Variants in JCAD observed in about 807,000 individuals in gnomAD.
JCAD encodes the protein junctional cadherin 5-associated protein.
JCAD carries 40 observed loss-of-function variants against 98.0 expected under a neutral mutation model. The observed-to-expected ratio is 0.41, with a 90% CI of 0.32 to 0.53. JCAD has a LOEUF of 0.53. Among genes scored for constraint, JCAD ranks in the 20% least tolerant of loss-of-function variants. JCAD has a pLI of 0.31. For missense variants in JCAD, 1,705 were observed against 1,738.1 expected (o/e 0.98, Z 0.34); for synonymous variants, 691 against 682.3 (o/e 1.01, Z -0.20).
At chr10:30,092,094 TAC>T (rs1838288194) in intron 1 of JCAD, among the ~76,000 whole-genome samples, 1 of 10,114 alleles carries the variant, frequency 9.9e-5, no homozygotes, top group African/African-American at 4.8e-4. Context: ...TATATAAAGT[TAC>T]TTTATATATA....
chr10:30,086,746 C>T (rs538694386), intron 1 of JCAD, among the ~76,000 whole-genome samples: 3 of 152,342 alleles, frequency 2.0e-5, no homozygotes, highest in South Asian at 4.1e-4. Context: ...GATTCAAACT[C>T]TTTCCAATCT....
intron 1 of JCAD, among the ~76,000 whole-genome samples, chr10:30,112,715 T>TA (rs901940892): frequency 6.6e-6 from 1 of 151,118 alleles, no homozygotes; most frequent in African/African-American, 2.4e-5. Context: ...CTATTAAAAA[T>TA]AAAAAAATTA....
intron 1 of JCAD, among the ~76,000 whole-genome samples, chr10:30,095,094 A>C (rs747639531): frequency 7.9e-5 from 12 of 152,042 alleles, no homozygotes; most frequent in Non-Finnish European, 1.6e-4. Context: ...TTTCCTTAGC[A>C]TCCCTCTGGC....
intron 2 of JCAD, among the ~76,000 whole-genome samples, chr10:30,047,285 T>C (rs1223948275): frequency 2.0e-5 from 3 of 152,124 alleles, no homozygotes; most frequent in Non-Finnish European, 2.9e-5. Context: ...GGCAGGAGAA[T>C]TGCTTGAACC....
Position 30,028,640 on chromosome 10 carries a change from T to A in JCAD, c.1508A>T (p.Gln503Leu). ...ACTGTTTTCCCCATCCCCGGGGGGCTGGCCCCACAGCCACCGGGGGCTGGA... is the reference window on the plus strand; with the variant it reads ...ACTGTTTTCCCCATCCCCGGGGGGCAGGCCCCACAGCCACCGGGGGCTGGA... ...ADSSPRWLWG[Q>L]PPGDGENSGL... Residue 503 changes from glutamine to leucine, a missense_variant, in exon 3 of 4, where the codon CAG becomes CTG. Gln to Leu is a moderately radical substitution (Grantham distance 113). Transcript: ENST00000375377. The A allele has an allele frequency of 6.2e-7, 1 of 1,608,332 alleles. No homozygotes were observed. The highest frequency in any genetic ancestry group is 1.1e-5 in the South Asian group (1 of 90,374).
upstream of JCAD, among the ~76,000 whole-genome samples, chr10:30,061,472 G>A (rs566437129): frequency 7.9e-5 from 12 of 152,030 alleles, 1 homozygote; most frequent in African/African-American, 2.4e-4. Flanking sequence ...AACCCGGGAG[G>A]TGGAGGTTGC....
At chr10:30,051,509 T>C (rs1362957885) in intron 1 of JCAD, among the ~76,000 whole-genome samples, 2 of 152,148 alleles carry the variant, frequency 1.3e-5, no homozygotes, top group African/African-American at 4.8e-5. Context: ...AACTGAAATG[T>C]ATACAAACGA....
At chr10:30,064,232 T>G (rs1011765686), upstream of JCAD, among the ~76,000 whole-genome samples, 14 of 151,332 alleles carry the variant, frequency 9.3e-5, no homozygotes, top group African/African-American at 3.4e-4. Context: ...GGGGAACTGG[T>G]GGCTTTATAA....
At chr10:30,076,027 G>A (rs890369695) in intron 1 of JCAD, among the ~76,000 whole-genome samples, 1 of 151,844 alleles carries the variant, frequency 6.6e-6, no homozygotes, top group African/African-American at 2.4e-5. Flanking sequence ...TTCAAACAGG[G>A]ACTTTTTTTT....
chr10:30,027,118 G>A lies in JCAD; in HGVS notation c.3030C>T (p.Ser1010=). 1 of 1,614,154 alleles carries A rather than the reference G, an allele frequency of 6.2e-7. No homozygotes were observed. Among genetic ancestry groups the A allele is most frequent in the Non-Finnish European group, 8.5e-7 (1 of 1,180,014 alleles). ...QESPKITSAF[S]SVKPSEAVPR... ...GGACCGCTTCACTTGGTTTCACAGAGCTGAAAGCACTGGTGATTTTCGGAC... is the reference window on the plus strand; with the variant it reads ...GGACCGCTTCACTTGGTTTCACAGAACTGAAAGCACTGGTGATTTTCGGAC... The change falls in exon 3 of 4, where the codon AGC becomes AGT. Residue 1010 remains serine, a synonymous_variant. Coordinates refer to ENST00000375377, the MANE Select transcript of JCAD (RefSeq NM_020848.4).
intron 1 of JCAD, among the ~76,000 whole-genome samples, chr10:30,076,633 A>G (rs1290683300): frequency 6.6e-6 from 1 of 152,124 alleles, no homozygotes; most frequent in Non-Finnish European, 1.5e-5. Flanking sequence ...TACCCCTTTT[A>G]TAATTGTGAG....
chr10:30,068,527 A>G (rs1373346330), intron 2 of JCAD, among the ~76,000 whole-genome samples: 1 of 152,066 alleles, frequency 6.6e-6, no homozygotes, highest in Non-Finnish European at 1.5e-5. Context: ...TTATCAGGGC[A>G]TATCTTGGAT....
At position 30,103,389 on chromosome 10, in the gene JCAD, C is replaced by T. The variant is rs375425599; in HGVS notation, n.128+11978G>A. 1.6e-3 allele frequency among the ~76,000 whole-genome samples: 248 copies of T among 152,182 alleles called. 2 individuals are homozygous for T. The highest frequency in any genetic ancestry group is 2.1e-3 in the Non-Finnish European group (145 of 68,018). On this transcript the variant is annotated intron_variant and non_coding_transcript_variant, in intron 1 of 2. Transcript: ENST00000465712. ...TTAAAAGTAGAATTATCATATGATC[C>T]GGCAATCCTGGTTGTTCTTTTGCCA...
chr10:30,079,995 G>A (rs879637604), intron 1 of JCAD, among the ~76,000 whole-genome samples: 2 of 152,126 alleles, frequency 1.3e-5, no homozygotes, highest in Admixed American at 6.5e-5. Context: ...ATCTATATAA[G>A]TCTCTTGGCA....
At chr10:30,021,994 C>T (rs971775223) in intron 3 of JCAD, among the ~76,000 whole-genome samples, 1 of 152,170 alleles carries the variant, frequency 6.6e-6, no homozygotes, top group Non-Finnish European at 1.5e-5. Context: ...TCTCATTCTT[C>T]CCCTGGACTC....
At chr10:30,098,859 A>AT (rs1343825686) in intron 1 of JCAD, among the ~76,000 whole-genome samples, 2 of 151,976 alleles carry the variant, frequency 1.3e-5, no homozygotes, top group African/African-American at 4.8e-5. Context: ...AAACTTCCTG[A>AT]TTTTTTTTAA....
At chr10:30,037,934 TAAAAAAAA>T (rs57504197) in intron 2 of JCAD, among the ~76,000 whole-genome samples, 2 of 109,330 alleles carry the variant, frequency 1.8e-5, no homozygotes, top group African/African-American at 6.8e-5. Flanking sequence ...ATGGAAAAAT[TAAAAAAAA>T]AAAAAAAAAA....
chr10:30,095,523 G>A (rs543309981), intron 1 of JCAD, among the ~76,000 whole-genome samples: 28 of 152,290 alleles, frequency 1.8e-4, no homozygotes, highest in East Asian at 1.9e-4. Context: ...TTGCCTCCCC[G>A]TTCGACCTGC....
chr10:30,102,896 G>T (rs1050439603), intron 1 of JCAD, among the ~76,000 whole-genome samples: 1 of 152,090 alleles, frequency 6.6e-6, no homozygotes, highest in African/African-American at 2.4e-5. Context: ...CATGTGCAGG[G>T]GAACTCCCCT....
Sources: gnomAD v4.1 joint callset for allele counts (sites outside exome capture counted in the v4.1 genomes callset) on GRCh38, gnomAD v4.1.1 for gene constraint, MANE v1.5 for transcripts, NCBI Gene and HGNC (gene_info 2026-07-23, HGNC 2026-07-21) for gene names.